EPHA6: variants seen among roughly 807,000 people sequenced by gnomAD.
The protein encoded by EPHA6 is ephrin type-A receptor 6.
Under a neutral mutation model 112.0 loss-of-function variants are expected in EPHA6, and 50 were observed. The ratio of observed to expected loss-of-function variants is 0.45; its 90% CI spans 0.36 to 0.56. The LOEUF is 0.56. EPHA6 is among the 20% of genes least tolerant of loss of function. The probability of loss-of-function intolerance (pLI) is 0.00; values close to 1 mark genes in which losing one functional copy is unlikely to be tolerated. For synonymous variants in EPHA6, 529 were observed against 490.7 expected, an observed-to-expected ratio of 1.08 and a Z score of -1.03; for missense variants, 1,280 against 1,417.4, an observed-to-expected ratio of 0.90 and a Z score of 1.56.
chr3:97,759,728 G>A lies in EPHA6; in HGVS notation c.*11027G>A. ...GTAAGTTTTTTTTTAATTTTACCAAGAATGAGATAAAAGCCAATATGCAGG... is the reference window on the plus strand; with the variant it reads ...GTAAGTTTTTTTTTAATTTTACCAAAAATGAGATAAAAGCCAATATGCAGG... On this transcript the variant is annotated 3_prime_UTR_variant, in exon 18 of 18. Coordinates refer to ENST00000389672, the MANE Select transcript of EPHA6 (RefSeq NM_001080448.3). 1 of 228,030 alleles carries A rather than the reference G, an allele frequency of 4.4e-6. No individual in the cohort carries two copies. The highest frequency in any genetic ancestry group is 6.3e-5 in the East Asian group (1 of 15,966). The allele number at this position is 228,030 out of a possible 1,614,324, so 14.1% of individuals were successfully genotyped here.
intron 3 of EPHA6, among the ~76,000 whole-genome samples, chr3:97,222,022 C>T (rs1230247176): frequency 6.7e-6 from 1 of 148,628 alleles, no homozygotes; most frequent in African/African-American, 2.5e-5. Context: ...AGCCAGACCC[C>T]TTCTCAAAAA....
chr3:97,085,346 G>T (rs2046860403), intron 3 of EPHA6, among the ~76,000 whole-genome samples: 1 of 152,056 alleles, frequency 6.6e-6, no homozygotes, highest in African/African-American at 2.4e-5. Context: ...GAGTGAAGAG[G>T]TTGAAGAATT....
At chr3:96,984,396 C>A (rs926207945) in intron 2 of EPHA6, among the ~76,000 whole-genome samples, 1 of 152,292 alleles carries the variant, frequency 6.6e-6, no homozygotes, top group African/African-American at 2.4e-5. Flanking sequence ...ATGTTGCTGC[C>A]TGATTGTTCC....
chr3:96,881,942 G>A (rs2037338398), intron 2 of EPHA6, among the ~76,000 whole-genome samples: 1 of 152,202 alleles, frequency 6.6e-6, no homozygotes, highest in South Asian at 2.1e-4. Context: ...TCATGTTTAT[G>A]TAAGAGGTGG....
At chr3:96,939,110 G>A (rs1292239537) in intron 2 of EPHA6, among the ~76,000 whole-genome samples, 1 of 152,190 alleles carries the variant, frequency 6.6e-6, no homozygotes, top group African/African-American at 2.4e-5. Context: ...TCAGGATGAT[G>A]CTGGCCTCAT....
At chr3:97,327,961 GTA>G (rs1278428283) in intron 5 of EPHA6, among the ~76,000 whole-genome samples, 16 of 101,300 alleles carry the variant, frequency 1.6e-4, no homozygotes, top group Admixed American at 7.6e-4. Context: ...GTATCTGTGT[GTA>G]TATATATGTA....
chr3:97,706,268 C>T (rs988442661), intron 14 of EPHA6, among the ~76,000 whole-genome samples: 1 of 152,064 alleles, frequency 6.6e-6, no homozygotes, highest in South Asian at 2.1e-4. Context: ...AAAAAAAACA[C>T]TCATTTACAC....
At chr3:97,382,120 G>A (rs1396616138) in intron 5 of EPHA6, among the ~76,000 whole-genome samples, 2 of 152,004 alleles carry the variant, frequency 1.3e-5, no homozygotes, top group Non-Finnish European at 2.9e-5. Flanking sequence ...TGCATGATGA[G>A]CATGTTTTAA....
rs140736310 is a variant in EPHA6, at chr3:97,260,780, A to T, written c.1606+16493A>T. ...TAACTGCAGGGCATTCAGTTATAAA[A>T]CCGTTTTTCATTGATCTCAGCTGTT... On this transcript the variant is annotated intron_variant, in intron 5 of 17. Transcript: ENST00000389672. Among the ~76,000 whole-genome samples, 359 of 152,254 alleles carry T rather than the reference A, an allele frequency of 2.4e-3. 2 individuals are homozygous for T. The highest frequency in any genetic ancestry group is 8.2e-3 in the African/African-American group (339 of 41,542).
chr3:97,644,296 G>A (rs1437960399), intron 14 of EPHA6, among the ~76,000 whole-genome samples: 2 of 148,536 alleles, frequency 1.3e-5, no homozygotes, highest in Non-Finnish European at 3.0e-5. Context: ...GCAGTGTGTA[G>A]AGGGAAATTT....
At chr3:96,882,070 T>A (rs2107512377) in intron 2 of EPHA6, among the ~76,000 whole-genome samples, 1 of 152,318 alleles carries the variant, frequency 6.6e-6, no homozygotes, top group African/African-American at 2.4e-5. Context: ...ATGGTCTTTC[T>A]ACTGTGGATC....
intron 5 of EPHA6, among the ~76,000 whole-genome samples, chr3:97,373,309 G>A (rs2085168805): frequency 6.6e-6 from 1 of 152,036 alleles, no homozygotes; most frequent in Admixed American, 6.6e-5. Context: ...AAATTATCAT[G>A]TATATGATCT....
chr3:97,376,860 T>A (rs2085392726), intron 5 of EPHA6, among the ~76,000 whole-genome samples: 1 of 152,190 alleles, frequency 6.6e-6, no homozygotes, highest in Admixed American at 6.5e-5. Context: ...ATTCCACATT[T>A]TCAGACTGCC....
chr3:97,447,447 T>C, intron 6 of EPHA6, among the ~76,000 whole-genome samples: 1 of 152,152 alleles, frequency 6.6e-6, no homozygotes, highest in East Asian at 1.9e-4. Context: ...TCTCTAGGGT[T>C]TTTATGAGGA....
At chr3:96,963,208 A>T (rs1346198761) in intron 2 of EPHA6, among the ~76,000 whole-genome samples, 1 of 151,974 alleles carries the variant, frequency 6.6e-6, no homozygotes, top group Non-Finnish European at 1.5e-5. Context: ...ACTTTTCTGA[A>T]TAATCCCAAA....
chr3:97,545,658 A>G (rs918965725), intron 11 of EPHA6, among the ~76,000 whole-genome samples: 2 of 152,176 alleles, frequency 1.3e-5, no homozygotes, highest in African/African-American at 4.8e-5. Flanking sequence ...TAATGTTGAC[A>G]GTGGGGTGTT....
chr3:97,289,576 C>T (rs1334676496), intron 5 of EPHA6, among the ~76,000 whole-genome samples: 1 of 152,082 alleles, frequency 6.6e-6, no homozygotes, highest in Non-Finnish European at 1.5e-5. Context: ...TTTTTGGTTC[C>T]ATATGCATTT....
intron 2 of EPHA6, among the ~76,000 whole-genome samples, chr3:96,981,040 A>G (rs1317846743): frequency 6.6e-6 from 1 of 152,068 alleles, no homozygotes; most frequent in Non-Finnish European, 1.5e-5. Context: ...AATACCCTTT[A>G]TTTCTTTCTT....
At chr3:97,561,222 A>C (rs951352926) in intron 11 of EPHA6, among the ~76,000 whole-genome samples, 1 of 152,068 alleles carries the variant, frequency 6.6e-6, no homozygotes, top group East Asian at 1.9e-4. Flanking sequence ...CTGGCGTTTA[A>C]ATCAAAGCTA....
Sources: gnomAD v4.1 joint callset for allele counts (sites outside exome capture counted in the v4.1 genomes callset) on GRCh38, gnomAD v4.1.1 for gene constraint, MANE v1.5 for transcripts, NCBI Gene and HGNC (gene_info 2026-07-23, HGNC 2026-07-21) for gene names.